TFAP2D: variants seen among roughly 807,000 people sequenced by gnomAD.
TFAP2D encodes transcription factor AP-2-delta.
In TFAP2D, 9 loss-of-function variants were observed where a neutral mutation model predicts 43.6. The ratio of observed to expected loss-of-function variants is 0.21; its 90% CI spans 0.12 to 0.36. The LOEUF is 0.36. Ranked by LOEUF, TFAP2D falls within the 10% of genes least tolerant of loss-of-function variation. TFAP2D has a pLI of 1.00. For synonymous variants in TFAP2D, 256 were observed against 224.9 expected, an observed-to-expected ratio of 1.14 and a Z score of -1.24; for missense variants, 513 against 561.4, an observed-to-expected ratio of 0.91 and a Z score of 0.87.
intron 5 of TFAP2D, among the ~76,000 whole-genome samples, chr6:50,729,751 G>T (rs116689689): frequency 2.6e-5 from 4 of 152,248 alleles, no homozygotes; most frequent in Admixed American, 6.5e-5. Context: ...GAGCCTGAAA[G>T]CATATTGTAT....
intron 2 of TFAP2D, 70 bp from the exon 3 acceptor site, chr6:50,719,020 A>G: frequency 1.4e-6 from 2 of 1,477,170 alleles, no homozygotes; most frequent in Non-Finnish European, 1.9e-6. Context: ...CTAGTCTAAA[A>G]GACTTTACCT....
At chr6:50,724,370 C>A (rs1019741422) in intron 3 of TFAP2D, among the ~76,000 whole-genome samples, 1 of 152,110 alleles carries the variant, frequency 6.6e-6, no homozygotes, top group Non-Finnish European at 1.5e-5. Flanking sequence ...TTGTAAACAT[C>A]TGTTTGGCTG....
chr6:50,720,993 G>T (rs1768714621), intron 3 of TFAP2D, among the ~76,000 whole-genome samples: 2 of 152,322 alleles, frequency 1.3e-5, no homozygotes, highest in South Asian at 2.1e-4. Context: ...AGAGGAAGAG[G>T]CTTTGGAATC....
In TFAP2D at chr6:50,719,473, G is replaced by T. The variant is rs539482478; in HGVS notation, c.598+323G>T. 1.0e-4 allele frequency among the ~76,000 whole-genome samples: 14 copies of T among 136,234 alleles called. No homozygotes were observed. The East Asian group carries it at 3.7e-3, about 36-fold the overall frequency. The allele number at this position is 136,234 out of a possible 152,430, so 89.4% of individuals were successfully genotyped here. On this transcript the variant is annotated intron_variant, in intron 3 of 7. Transcript: ENST00000008391. ...AGAAAGAAAGAAAGAAAGAAAGAAAGAAAGAAAGAAAGAAAGAAAGAAAGA... is the reference window on the plus strand; with the variant it reads ...AGAAAGAAAGAAAGAAAGAAAGAAATAAAGAAAGAAAGAAAGAAAGAAAGA...
chr6:50,727,912 C>T (rs1462842812), intron 3 of TFAP2D, among the ~76,000 whole-genome samples: 2 of 152,100 alleles, frequency 1.3e-5, no homozygotes, highest in East Asian at 1.9e-4. Context: ...AAATGCTTCT[C>T]AGAGATGATC....
At chr6:50,728,829 C>T (rs776647371) in intron 3 of TFAP2D, 27 bp from the exon 4 acceptor site, 15 of 1,610,868 alleles carry the variant, frequency 9.3e-6, no homozygotes, top group Middle Eastern at 1.7e-4. Flanking sequence ...CTGTCACTAA[C>T]ATGTTATATA....
At chr6:50,770,518 AC>A (rs962681133) in intron 7 of TFAP2D, among the ~76,000 whole-genome samples, 1 of 152,110 alleles carries the variant, frequency 6.6e-6, no homozygotes, top group Non-Finnish European at 1.5e-5. Context: ...TTTACCCTCT[AC>A]CCAGAAAATA....
chr6:50,751,102 T>A (rs980697787), intron 6 of TFAP2D, 109 bp from the exon 7 acceptor site: 8 of 743,304 alleles, frequency 1.1e-5, no homozygotes, highest in Non-Finnish European at 1.8e-5. Flanking sequence ...TATGAAATGT[T>A]ATCTAGACTT....
chr6:50,726,143 C>T (rs554638867), intron 3 of TFAP2D, among the ~76,000 whole-genome samples: 289 of 152,274 alleles, frequency 1.9e-3, no homozygotes, highest in African/African-American at 6.7e-3. Flanking sequence ...GGAGTTAGCA[C>T]GTGGGTAGAT....
At chr6:50,720,588 C>T (rs1768705001) in intron 3 of TFAP2D, among the ~76,000 whole-genome samples, 2 of 151,342 alleles carry the variant, frequency 1.3e-5, no homozygotes, top group Admixed American at 1.3e-4. Flanking sequence ...GAATATTAAG[C>T]TTGCCAGCCA....
intron 5 of TFAP2D, among the ~76,000 whole-genome samples, chr6:50,738,102 T>A (rs1015972431): frequency 2.0e-5 from 3 of 152,162 alleles, no homozygotes; most frequent in Non-Finnish European, 2.9e-5. Context: ...GCTATCAATT[T>A]TTTTATCATT....
At chr6:50,720,276 T>A (rs1031354399) in intron 3 of TFAP2D, among the ~76,000 whole-genome samples, 5 of 152,198 alleles carry the variant, frequency 3.3e-5, no homozygotes, top group Admixed American at 2.0e-4. Flanking sequence ...GATAGAGAGA[T>A]GTGCTGGTAG....
chr6:50,729,644 A>C (rs1468642551), intron 5 of TFAP2D, among the ~76,000 whole-genome samples: 1 of 152,200 alleles, frequency 6.6e-6, no homozygotes, highest in Non-Finnish European at 1.5e-5. Context: ...TTCAGAGTTT[A>C]AGTGAATCTA....
At chr6:50,720,674 G>A (rs1250975392) in intron 3 of TFAP2D, among the ~76,000 whole-genome samples, 1 of 152,102 alleles carries the variant, frequency 6.6e-6, no homozygotes, top group African/African-American at 2.4e-5. Context: ...TGTGTTGGAG[G>A]AGGCAAAAAA....
intron 3 of TFAP2D, among the ~76,000 whole-genome samples, chr6:50,719,491 A>T (rs1023692094): frequency 4.4e-5 from 6 of 137,332 alleles, no homozygotes; most frequent in Non-Finnish European, 1.0e-4. Context: ...GAAAGAAAGA[A>T]AGAAAGAAAG....
chr6:50,755,478 A>G (rs1276691847), intron 7 of TFAP2D, among the ~76,000 whole-genome samples: 2 of 151,882 alleles, frequency 1.3e-5, no homozygotes, highest in African/African-American at 4.8e-5. Flanking sequence ...TAATATTTAA[A>G]GATTTGATTC....
At chr6:50,748,579 C>A (rs2113884687) in intron 6 of TFAP2D, among the ~76,000 whole-genome samples, 1 of 151,820 alleles carries the variant, frequency 6.6e-6, no homozygotes, top group South Asian at 2.1e-4. Flanking sequence ...CTCATGCCAC[C>A]TTATTTCCAG....
chr6:50,755,824 A>T (rs773231126), intron 7 of TFAP2D, among the ~76,000 whole-genome samples: 1 of 151,984 alleles, frequency 6.6e-6, no homozygotes, highest in African/African-American at 2.4e-5. Flanking sequence ...TTCTACATTG[A>T]TGATTCTACT....
intron 3 of TFAP2D, among the ~76,000 whole-genome samples, chr6:50,726,650 CA>C (rs1167966795): frequency 1.3e-5 from 2 of 152,150 alleles, no homozygotes; most frequent in Non-Finnish European, 2.9e-5. Flanking sequence ...TAATCAGGAT[CA>C]AAATTCTCAC....
Sources: gnomAD v4.1 joint callset for allele counts (sites outside exome capture counted in the v4.1 genomes callset) on GRCh38, gnomAD v4.1.1 for gene constraint, MANE v1.5 for transcripts, NCBI Gene and HGNC (gene_info 2026-07-23, HGNC 2026-07-21) for gene names.